The following CD38 variants were observed in gnomAD, a reference collection of about 807,000 sequenced individuals.
The protein encoded by CD38 is CD38 molecule.
A neutral mutation model predicts 36.3 loss-of-function variants in CD38; 31 were observed. The ratio of observed to expected loss-of-function variants is 0.85; its 90% CI spans 0.64 to 1.15. The LOEUF is 1.15. CD38 is among the 50% of genes most tolerant of loss of function. CD38 has a pLI of 0.00. For missense variants in CD38, 380 were observed against 371.9 expected (o/e 1.02, Z -0.18); for synonymous variants, 131 against 135.2 (o/e 0.97, Z 0.22).
intron 1 of CD38, among the ~76,000 whole-genome samples, chr4:15,813,477 G>A (rs930426612): frequency 2.0e-5 from 3 of 152,052 alleles, no homozygotes; most frequent in East Asian, 1.9e-4. Flanking sequence ...TGTGCAGAAC[G>A]TGCAGGTTTG....
chr4:15,791,412 C>T (rs1450276974), intron 1 of CD38, among the ~76,000 whole-genome samples: 1 of 16,018 alleles, frequency 6.2e-5, no homozygotes, highest in Non-Finnish European at 1.2e-4. Flanking sequence ...CGCCTCTGCC[C>T]GTCCGCCCGT....
chr4:15,778,567 C>A lies in CD38; in HGVS notation c.153C>A (p.Ser51Arg), dbSNP rs763737168. Residue 51 changes from serine (S) to arginine (R), a missense_variant, in exon 1 of 8, where the codon AGC (serine) becomes AGA (arginine). Transcript: ENST00000226279. The surrounding 1 kb of genome is among the most constrained non-coding windows in gnomAD (Gnocchi z 4.9). The part of the protein sequence containing the change: ...VVVPRWRQQW[S>R]GPGTTKRFPE... ...TCCCGAGGTGGCGCCAGCAGTGGAG[C>A]GGTCCGGGCACCACCAAGCGCTTTC... The A allele has an allele frequency of 6.2e-7, 1 of 1,613,418 alleles. No individual in the cohort carries two copies. Among genetic ancestry groups the A allele is most frequent in the South Asian group, 1.1e-5 (1 of 91,070 alleles).
chr4:15,796,472 T>C (rs564135629), intron 1 of CD38, among the ~76,000 whole-genome samples: 25 of 152,228 alleles, frequency 1.6e-4, no homozygotes, highest in Non-Finnish European at 3.1e-4. Flanking sequence ...ATTAAATTAT[T>C]AACATTTTAA....
intron 3 of CD38, among the ~76,000 whole-genome samples, chr4:15,827,454 G>A (rs1424232549): frequency 3.3e-5 from 5 of 151,920 alleles, no homozygotes; most frequent in Non-Finnish European, 5.9e-5. Flanking sequence ...CTTTCACAAT[G>A]TTTAAAATAT....
chr4:15,786,232 C>G (rs538384924), intron 1 of CD38, among the ~76,000 whole-genome samples: 7 of 152,238 alleles, frequency 4.6e-5, no homozygotes, highest in South Asian at 2.1e-4. Flanking sequence ...TGGCTCCCCC[C>G]AGCCTGCTTT....
At chr4:15,804,587 A>G (rs556063507) in intron 1 of CD38, among the ~76,000 whole-genome samples, 17 of 152,330 alleles carry the variant, frequency 1.1e-4, no homozygotes, top group Admixed American at 1.0e-3. Context: ...GAATGCAGCC[A>G]TAAAAGAGAA....
intron 5 of CD38, 41 bp downstream of exon 5, chr4:15,838,206 G>A (rs1249511902): frequency 1.5e-6 from 2 of 1,356,486 alleles, no homozygotes; most frequent in South Asian, 1.2e-5. Context: ...GTATCCTGTT[G>A]CAAATATCAC....
At chr4:15,830,353 C>A (rs911015672) in intron 3 of CD38, among the ~76,000 whole-genome samples, 3 of 152,146 alleles carry the variant, frequency 2.0e-5, no homozygotes, top group Non-Finnish European at 1.5e-5. Flanking sequence ...ATGATTTGAA[C>A]ACATTTTCAT....
chr4:15,807,655 T>G (rs1560311899), intron 1 of CD38, among the ~76,000 whole-genome samples: 1 of 152,154 alleles, frequency 6.6e-6, no homozygotes, highest in South Asian at 2.1e-4. Flanking sequence ...CTGGGATCAC[T>G]TTACTCAATT....
chr4:15,820,980 A>G (rs1224874280), intron 2 of CD38, among the ~76,000 whole-genome samples: 1 of 152,236 alleles, frequency 6.6e-6, no homozygotes, highest in East Asian at 1.9e-4. Flanking sequence ...TAAAATCATA[A>G]CAAACAATCT....
intron 1 of CD38, among the ~76,000 whole-genome samples, chr4:15,805,038 G>T (rs1002580972): frequency 3.2e-4 from 49 of 151,998 alleles, no homozygotes; most frequent in Non-Finnish European, 1.3e-4. Flanking sequence ...CCATAAATAT[G>T]TGCAATTACA....
At position 15,836,148 on chromosome 4, in the gene CD38, T is replaced by G. The variant is rs1724065929; in HGVS notation, c.585+1846T>G. On this transcript the variant is annotated intron_variant, in intron 4 of 7. Coordinates refer to ENST00000226279, the MANE Select transcript of CD38 (RefSeq NM_001775.4). ...CTGCTATCACAAACTACCTGAGACT[T>G]GGTAATTTTTTTAAAACAGGAGTTT... Among the ~76,000 whole-genome samples, 7 of 152,336 alleles carry G rather than the reference T, an allele frequency of 4.6e-5. No homozygotes were observed. The South Asian group carries it at 1.5e-3, about 32-fold the overall frequency.
intron 3 of CD38, among the ~76,000 whole-genome samples, chr4:15,827,660 CTTTTG>C (rs1015782804): frequency 5.9e-5 from 9 of 151,788 alleles, no homozygotes; most frequent in African/African-American, 4.8e-5. Flanking sequence ...GACTTCTCTC[CTTTTG>C]TTTTATTTTT....
At position 15,816,273 on chromosome 4, in the gene CD38, C is replaced by T. The variant is rs190410652; in HGVS notation, c.234-238C>T. On this transcript the variant is annotated intron_variant, in intron 1 of 7. Transcript: ENST00000226279. ...GGTTTCGGTATTAGGATGATATTGGCCTCATAAAATGACTTATGGAGGAGT... is the reference window on the plus strand; with the variant it reads ...GGTTTCGGTATTAGGATGATATTGGTCTCATAAAATGACTTATGGAGGAGT... Among the ~76,000 whole-genome samples, 58 of 152,142 alleles carry T rather than the reference C, an allele frequency of 3.8e-4. 1 individual carries two copies. The highest frequency in any genetic ancestry group is 3.7e-3 in the Admixed American group (57 of 15,280).
In CD38 at chr4:15,778,596, A is replaced by T. The variant is rs140705952; in HGVS notation, c.182A>T (p.Glu61Val). The stretch of plus-strand genomic sequence containing the variant: ...CCGGGCACCACCAAGCGCTTTCCCG[A>T]GACCGTCCTGGCGCGATGCGTCAAG... ...SGPGTTKRFP[E>V]TVLARCVKYT... The change falls in exon 1 of 8, where the codon GAG becomes GTG. Residue 61 changes from glutamate to valine, a missense_variant. Transcript: ENST00000226279. The surrounding 1 kb of genome is among the most constrained non-coding windows in gnomAD (Gnocchi z 4.9). 127 of 1,613,736 alleles carry T rather than the reference A, an allele frequency of 7.9e-5. No homozygotes were observed. In the African/African-American group the frequency reaches 1.1e-3, roughly 14 times the overall value.
chr4:15,849,548 C>G lies in CD38; in HGVS notation c.*946C>G, dbSNP rs1266304649. The G allele has an allele frequency of 6.6e-6, 1 of 152,204 alleles. No homozygotes were observed. Among genetic ancestry groups the G allele is most frequent in the Admixed American group, 6.5e-5 (1 of 15,276 alleles). 9.4% of individuals were successfully genotyped at this position (152,204 alleles called of 1,614,324 possible). A position where few individuals can be genotyped will look rare whatever the true frequency, so the allele number is the denominator to read the frequency against. ...CCCCGTCTTCCTCCTCCTCTTCATG[C>G]TCAGTGTTTTATATATGTAGTATAC... On this transcript the variant is annotated 3_prime_UTR_variant, in exon 8 of 8. Coordinates refer to ENST00000226279, the MANE Select transcript of CD38 (RefSeq NM_001775.4).
At chr4:15,781,064 A>C (rs538480646) in intron 1 of CD38, among the ~76,000 whole-genome samples, 1 of 152,282 alleles carries the variant, frequency 6.6e-6, no homozygotes, top group Admixed American at 6.5e-5. Context: ...ACCAAGATCC[A>C]GCCTGGCCAA....
At chr4:15,839,931 C>T (rs1577661682) in intron 5 of CD38, 95 bp from the exon 6 acceptor site, 1 of 820,948 alleles carries the variant, frequency 1.2e-6, no homozygotes. Flanking sequence ...AGGATAGGTC[C>T]TAGCCAGTGC....
intron 1 of CD38, among the ~76,000 whole-genome samples, chr4:15,782,350 A>C (rs567734033): frequency 2.0e-4 from 30 of 152,268 alleles, no homozygotes; most frequent in Non-Finnish European, 3.5e-4. Context: ...TTTACCCTTT[A>C]CATCTGGATT....
Sources: allele counts gnomAD v4.1 joint callset (sites outside exome capture counted in the v4.1 genomes callset), GRCh38; gene constraint gnomAD v4.1.1; non-coding constraint Gnocchi (gnomAD v3.1); transcripts MANE v1.5; gene names NCBI Gene and HGNC (gene_info 2026-07-23, HGNC 2026-07-21).